The following NCBP1 variants were observed in gnomAD, a reference collection of about 807,000 sequenced individuals.
The protein encoded by NCBP1 is nuclear cap binding protein subunit 1.
NCBP1 carries 16 observed loss-of-function variants against 111.7 expected under a neutral mutation model. The ratio of observed to expected loss-of-function variants is 0.14; its 90% CI spans 0.10 to 0.22. The LOEUF (loss-of-function observed/expected upper bound fraction) is 0.22, where lower values mean the gene tolerates loss of function less well. Among genes scored for constraint, NCBP1 ranks in the 10% least tolerant of loss-of-function variants. The probability of loss-of-function intolerance (pLI) is 1.00; values close to 1 mark genes in which losing one functional copy is unlikely to be tolerated. For synonymous variants in NCBP1, 304 were observed against 314.3 expected (o/e 0.97, Z 0.35); for missense variants, 607 against 957.5 (o/e 0.63, Z 4.83).
chr9:97,647,969 G>A, intron 7 of NCBP1, 39 bp from the exon 8 acceptor site: 1 of 1,473,206 alleles, frequency 6.8e-7, no homozygotes. Flanking sequence ...TAGTCAAAAT[G>A]TTAATTATAT....
chr9:97,646,931 T>C (rs1827358643), intron 6 of NCBP1, among the ~76,000 whole-genome samples: 5 of 150,650 alleles, frequency 3.3e-5, no homozygotes, highest in Admixed American at 3.3e-4. Flanking sequence ...ATACACACTG[T>C]TCTTCACTTG....
At chr9:97,668,685 C>T (rs556751833) in intron 20 of NCBP1, among the ~76,000 whole-genome samples, 161 bp from the exon 21 acceptor site, 2 of 150,782 alleles carry the variant, frequency 1.3e-5, no homozygotes, top group African/African-American at 4.9e-5. Context: ...CACAACAGGA[C>T]TTTGAGGTAT....
At chr9:97,663,174 C>T (rs1168011096) in intron 18 of NCBP1, 127 bp downstream of exon 18, 16 of 691,304 alleles carry the variant, frequency 2.3e-5, no homozygotes, top group Non-Finnish European at 4.0e-5. Flanking sequence ...GTTTTTAGAT[C>T]TAATTCTTTC....
intron 1 of NCBP1, among the ~76,000 whole-genome samples, chr9:97,640,398 G>C (rs996110625): frequency 1.3e-5 from 2 of 151,984 alleles, no homozygotes; most frequent in East Asian, 3.9e-4. Context: ...AACAGGTTTC[G>C]GAACAAGCAA....
chr9:97,654,046 A>G, intron 11 of NCBP1, 138 bp downstream of exon 11: 2 of 619,182 alleles, frequency 3.2e-6, no homozygotes, highest in Non-Finnish European at 5.5e-6. Flanking sequence ...TATTACATGT[A>G]TGTACTTGTA....
chr9:97,670,648 A>G (rs549160554), intron 22 of NCBP1, among the ~76,000 whole-genome samples: 2 of 152,358 alleles, frequency 1.3e-5, no homozygotes, highest in South Asian at 4.1e-4. Flanking sequence ...GAGAGTATTC[A>G]TGGCTTATAG....
rs1170841870 is a variant in NCBP1 at position 97,673,657 on chromosome 9, C to A, written c.*2458C>A. Reference sequence around the variant, plus strand: ...TCCCCAGTAATGAAGTTCATACAGACAAAAGATGGCATGTCACTGTACATC... The same window carrying A: ...TCCCCAGTAATGAAGTTCATACAGAAAAAAGATGGCATGTCACTGTACATC... On this transcript the variant is annotated 3_prime_UTR_variant, in exon 23 of 23. Transcript: ENST00000375147. 29 of 152,194 alleles carry A rather than the reference C, an allele frequency of 1.9e-4. No homozygotes were observed. The highest frequency in any genetic ancestry group is 1.9e-3 in the Admixed American group (29 of 15,278). 9.4% of individuals were successfully genotyped at this position (152,194 alleles called of 1,614,324 possible). A position where few individuals can be genotyped will look rare whatever the true frequency, so the allele number is the denominator to read the frequency against.
chr9:97,658,874 G>A (rs1173875987), intron 15 of NCBP1, 131 bp downstream of exon 15: 1 of 700,862 alleles, frequency 1.4e-6, no homozygotes, highest in Non-Finnish European at 2.5e-6. Context: ...TTGAAAGGTG[G>A]TCTATCATTA....
chr9:97,655,448 G>C (rs1033865394), intron 12 of NCBP1, among the ~76,000 whole-genome samples: 4 of 151,764 alleles, frequency 2.6e-5, no homozygotes, highest in African/African-American at 9.7e-5. Context: ...AAAATAATAT[G>C]TACCTTGGAA....
intron 4 of NCBP1, among the ~76,000 whole-genome samples, 194 bp from the exon 5 acceptor site, chr9:97,644,919 CTTGA>C (rs1428090220): frequency 6.6e-6 from 1 of 151,966 alleles, no homozygotes; most frequent in Non-Finnish European, 1.5e-5. Flanking sequence ...ATAAAATACT[CTTGA>C]TTTTTTTTTC....
At chr9:97,657,884 A>AGC (rs1191458886) in intron 14 of NCBP1, among the ~76,000 whole-genome samples, 181 of 119,938 alleles carry the variant, frequency 1.5e-3, no homozygotes, top group African/African-American at 5.4e-3. Context: ...AGCCCCGGTA[A>AGC]GCTCTCTCTC....
intron 10 of NCBP1, among the ~76,000 whole-genome samples, chr9:97,652,718 A>C (rs942778332): frequency 1.3e-5 from 2 of 152,230 alleles, no homozygotes; most frequent in Admixed American, 6.5e-5. Flanking sequence ...GGATGTATTA[A>C]GGTTCATATT....
chr9:97,634,159 G>C (rs976098998), intron 1 of NCBP1, among the ~76,000 whole-genome samples: 7 of 152,258 alleles, frequency 4.6e-5, no homozygotes, highest in Admixed American at 1.3e-4. Context: ...GAACCCCATG[G>C]GTAGACCCTT....
Position 97,658,619 on chromosome 9 carries a change from AG to A in NCBP1, c.1374-19del, listed in dbSNP as rs755603387. 24 of 1,541,684 alleles carry A rather than the reference AG, an allele frequency of 1.6e-5. No individual in the cohort carries two copies. Among genetic ancestry groups the A allele is most frequent in the Non-Finnish European group, 2.1e-5 (23 of 1,114,982 alleles). ...TGGGACTGATAAAAGATATTTTCTG[AG>A]GCTGTTATTTGTATTGTAGGTTGTC... is the stretch of plus-strand genomic sequence containing the variant. On this transcript the variant is annotated intron_variant, in intron 14 of 22. Transcript: ENST00000375147.
chr9:97,635,572 G>A (rs372132812), intron 1 of NCBP1, among the ~76,000 whole-genome samples: 25 of 151,986 alleles, frequency 1.6e-4, no homozygotes, highest in African/African-American at 6.0e-4. Context: ...CACCACGCCC[G>A]GCTAATTTTT....
chr9:97,655,978 G>A (rs1564024519), intron 13 of NCBP1, 33 bp from the exon 14 acceptor site: 1 of 1,577,962 alleles, frequency 6.3e-7, no homozygotes. Flanking sequence ...CAGATTATAT[G>A]TAAGCATTGA....
chr9:97,639,306 G>T (rs1298998946), intron 1 of NCBP1, among the ~76,000 whole-genome samples: 1 of 152,132 alleles, frequency 6.6e-6, no homozygotes, highest in Non-Finnish European at 1.5e-5. Flanking sequence ...CAGATCCTAT[G>T]TGGATAGTAA....
chr9:97,666,555 G>A (rs540264165), intron 19 of NCBP1, among the ~76,000 whole-genome samples: 3 of 152,158 alleles, frequency 2.0e-5, no homozygotes, highest in African/African-American at 7.2e-5. Flanking sequence ...CAGGGGGCTC[G>A]CCTGAATCTA....
At chr9:97,651,605 AG>A (rs1281932010) in intron 10 of NCBP1, among the ~76,000 whole-genome samples, 1 of 152,238 alleles carries the variant, frequency 6.6e-6, no homozygotes, top group African/African-American at 2.4e-5. Flanking sequence ...ATTGCCTATA[AG>A]TTATTTATAT....
Sources: gnomAD v4.1 joint callset for allele counts (sites outside exome capture counted in the v4.1 genomes callset) on GRCh38, gnomAD v4.1.1 for gene constraint, MANE v1.5 for transcripts, NCBI Gene and HGNC (gene_info 2026-07-23, HGNC 2026-07-21) for gene names.